The following RBFOX1 variants were observed in gnomAD, a reference collection of about 807,000 sequenced individuals.
RBFOX1 encodes the protein RNA binding protein fox-1 homolog 1.
RBFOX1 carries 8 observed loss-of-function variants against 57.7 expected under a neutral mutation model. That is an observed-to-expected ratio of 0.14 (90% CI 0.08 to 0.25). The LOEUF (loss-of-function observed/expected upper bound fraction) is 0.25. RBFOX1 is among the 10% of genes least tolerant of loss of function. The pLI is 1.00. For missense variants in RBFOX1, 611 were observed against 548.5 expected (o/e 1.11, Z -1.14); for synonymous variants, 326 against 222.4 (o/e 1.47, Z -4.15).
intron 4 of RBFOX1, among the ~76,000 whole-genome samples, chr16:5,986,046 A>G (rs992791591): frequency 1.4e-5 from 2 of 141,908 alleles, no homozygotes; most frequent in Non-Finnish European, 3.0e-5. Flanking sequence ...TTTTCTATTG[A>G]TTTTTTTCTT....
intron 4 of RBFOX1, among the ~76,000 whole-genome samples, chr16:5,967,561 C>G (rs1007426662): frequency 6.6e-6 from 1 of 152,086 alleles, no homozygotes; most frequent in Non-Finnish European, 1.5e-5. Flanking sequence ...GTAGATAAAG[C>G]AAGAAAAACA....
intron 1 of RBFOX1, among the ~76,000 whole-genome samples, chr16:6,024,469 C>G (rs2095147270): frequency 6.6e-6 from 1 of 152,060 alleles, no homozygotes; most frequent in African/African-American, 2.4e-5. Context: ...ATACATTTAT[C>G]CAATGAGTAT....
At chr16:7,506,513 G>A (rs1032728155) in intron 4 of RBFOX1, among the ~76,000 whole-genome samples, 72 of 152,212 alleles carry the variant, frequency 4.7e-4, no homozygotes, top group African/African-American at 1.7e-3. Context: ...TAATTGGTGT[G>A]CAAGAAAAGA....
intron 2 of RBFOX1, among the ~76,000 whole-genome samples, chr16:6,648,299 G>A (rs528755999): frequency 3.2e-4 from 48 of 151,986 alleles, no homozygotes; most frequent in African/African-American, 1.0e-3. Context: ...GGACTCAAAC[G>A]ATCCTCTGGA....
chr16:6,203,478 A>G (rs781669741), intron 1 of RBFOX1, among the ~76,000 whole-genome samples: 6 of 152,132 alleles, frequency 3.9e-5, no homozygotes, highest in East Asian at 1.9e-4. Context: ...TTCTTTATCC[A>G]TTCATTGTTG....
At chr16:5,475,215 C>T (rs933891668) in intron 2 of RBFOX1, among the ~76,000 whole-genome samples, 1 of 152,182 alleles carries the variant, frequency 6.6e-6, no homozygotes, top group Non-Finnish European at 1.5e-5. Flanking sequence ...ATTACAAAGA[C>T]TTTTCTTGCT....
At chr16:6,481,470 C>T (rs1355665842) in intron 2 of RBFOX1, among the ~76,000 whole-genome samples, 1 of 152,248 alleles carries the variant, frequency 6.6e-6, no homozygotes, top group African/African-American at 2.4e-5. Context: ...GTCTCTCCAT[C>T]GGCCACCCGC....
chr16:6,061,334 G>C (rs2095683579), intron 1 of RBFOX1, among the ~76,000 whole-genome samples: 1 of 152,048 alleles, frequency 6.6e-6, no homozygotes, highest in African/African-American at 2.4e-5. Flanking sequence ...TACAACCAAT[G>C]GGTGTAAGCG....
chr16:5,374,708 C>G (rs768955349), intron 1 of RBFOX1, among the ~76,000 whole-genome samples: 2 of 142,674 alleles, frequency 1.4e-5, no homozygotes, highest in African/African-American at 5.4e-5. Context: ...TGATTTATCT[C>G]TATGTGTTTT....
Position 6,826,435 on chromosome 16 carries a change from A to C in RBFOX1, c.-16+171785A>C, listed in dbSNP as rs867075671. Among the ~76,000 whole-genome samples, 11 of 151,998 alleles carry C rather than the reference A, an allele frequency of 7.2e-5. 1 individual carries two copies. In the South Asian group the frequency reaches 1.9e-3, roughly 26 times the overall value. ...TGCTCGCTGGGATCATTAGCACTCA[A>C]GTAATTCCCATGGGTTGTTAAGAGG... On this transcript the variant is annotated intron_variant, in intron 3 of 15. Coordinates refer to ENST00000550418, the MANE Select transcript of RBFOX1 (RefSeq NM_018723.4).
intron 3 of RBFOX1, among the ~76,000 whole-genome samples, chr16:6,691,839 C>T (rs1470175879): frequency 6.6e-6 from 1 of 152,176 alleles, no homozygotes; most frequent in African/African-American, 2.4e-5. Flanking sequence ...AAGCTGAGCA[C>T]TTTTCCTTGC....
intron 1 of RBFOX1, among the ~76,000 whole-genome samples, chr16:5,301,724 G>C (rs1042954514): frequency 1.3e-5 from 2 of 151,412 alleles, no homozygotes; most frequent in East Asian, 1.9e-4. Context: ...CTGGCTGACA[G>C]CTTGATTGCA....
At chr16:5,846,055 C>T (rs1294707448) in intron 3 of RBFOX1, among the ~76,000 whole-genome samples, 2 of 151,908 alleles carry the variant, frequency 1.3e-5, no homozygotes, top group Non-Finnish European at 2.9e-5. Flanking sequence ...TGCCTGTAAT[C>T]CCAGTAATCC....
At chr16:7,412,674 C>G (rs190779187) in intron 4 of RBFOX1, among the ~76,000 whole-genome samples, 1 of 152,334 alleles carries the variant, frequency 6.6e-6, no homozygotes, top group East Asian at 1.9e-4. Flanking sequence ...CTCCCAAAGG[C>G]TTTTACCCCA....
At chr16:7,241,625 A>G (rs913157464) in intron 4 of RBFOX1, among the ~76,000 whole-genome samples, 2 of 152,164 alleles carry the variant, frequency 1.3e-5, no homozygotes, top group African/African-American at 4.8e-5. Flanking sequence ...TAATAAAGAA[A>G]AAACATTTCT....
intron 1 of RBFOX1, among the ~76,000 whole-genome samples, chr16:5,304,063 C>T (rs1276058329): frequency 1.3e-5 from 2 of 152,168 alleles, no homozygotes; most frequent in Non-Finnish European, 2.9e-5. Context: ...TCTAATTTTA[C>T]TTAAATTTCC....
At chr16:6,224,792 G>A (rs558239348) in intron 1 of RBFOX1, among the ~76,000 whole-genome samples, 1 of 152,208 alleles carries the variant, frequency 6.6e-6, no homozygotes, top group Non-Finnish European at 1.5e-5. Flanking sequence ...AAGCTGAGGT[G>A]GGTGGATCAC....
intron 4 of RBFOX1, among the ~76,000 whole-genome samples, chr16:5,919,128 G>C (rs1174509254): frequency 6.6e-6 from 1 of 152,126 alleles, no homozygotes; most frequent in Non-Finnish European, 1.5e-5. Context: ...TGGTTGTGGT[G>C]TTTATACTTC....
chr16:6,573,551 A>G (rs1248025637), intron 2 of RBFOX1, among the ~76,000 whole-genome samples: 1 of 152,188 alleles, frequency 6.6e-6, no homozygotes, highest in Non-Finnish European at 1.5e-5. Context: ...GCATCTCCCC[A>G]TCCATCTTAT....
Sources: allele counts gnomAD v4.1 joint callset (sites outside exome capture counted in the v4.1 genomes callset), GRCh38; gene constraint gnomAD v4.1.1; transcripts MANE v1.5; gene names NCBI Gene and HGNC (gene_info 2026-07-23, HGNC 2026-07-21).